Variants in ATAD2 observed in about 807,000 individuals in gnomAD.
The protein encoded by ATAD2 is ATPase family AAA domain containing 2.
A neutral mutation model predicts 168.9 loss-of-function variants in ATAD2; 62 were observed. The observed-to-expected ratio is 0.37, with a 90% CI of 0.30 to 0.45. The LOEUF is 0.45. Ranked by LOEUF, ATAD2 falls within the 20% of genes least tolerant of loss-of-function variation. The probability of loss-of-function intolerance (pLI) is 1.00; values close to 1 mark genes in which losing one functional copy is unlikely to be tolerated. For synonymous variants in ATAD2, 613 were observed against 571.6 expected, an observed-to-expected ratio of 1.07 and a Z score of -1.03; for missense variants, 1,419 against 1,667.8, an observed-to-expected ratio of 0.85 and a Z score of 2.60.
chr8:123,389,255 T>C (rs1289930197), intron 1 of ATAD2, among the ~76,000 whole-genome samples: 13 of 144,960 alleles, frequency 9.0e-5, no homozygotes, highest in Middle Eastern at 3.6e-3. Context: ...GGATTACAGG[T>C]GTGAGCCACC....
intron 24 of ATAD2, among the ~76,000 whole-genome samples, chr8:123,329,044 G>A (rs1017121425): frequency 1.1e-4 from 16 of 151,878 alleles, no homozygotes; most frequent in South Asian, 4.2e-4. Context: ...CTCGTGATCC[G>A]CCCGCCTCGG....
At chr8:123,354,115 CAG>C (rs1162126389) in intron 13 of ATAD2, among the ~76,000 whole-genome samples, 2 of 152,176 alleles carry the variant, frequency 1.3e-5, no homozygotes, top group Non-Finnish European at 2.9e-5. Flanking sequence ...GCCTGGGCGA[CAG>C]AGCAAGACTT....
chr8:123,366,500 T>C (rs773182730), intron 8 of ATAD2, among the ~76,000 whole-genome samples: 1 of 152,200 alleles, frequency 6.6e-6, no homozygotes, highest in Non-Finnish European at 1.5e-5. Flanking sequence ...TGCAAAAATG[T>C]GGAACCAACC....
chr8:123,380,671 AC>A lies in ATAD2; in HGVS notation c.177del (p.Ser60HisfsTer15). On this transcript the variant is annotated frameshift_variant, in exon 2 of 28. Coordinates refer to ENST00000287394, the MANE Select transcript of ATAD2 (RefSeq NM_014109.4). LOFTEE classifies it high-confidence loss of function. ...TAGGTTTCAACTTCCTTAACTGATGACCCATCCTTTAAGAAAAATTAAGAAA... is the reference window on the plus strand; with the variant it reads ...TAGGTTTCAACTTCCTTAACTGATGACCATCCTTTAAGAAAAATTAAGAAA... ...PAATTAKAGD[G>X]SSVKEVETYH... 2 of 1,596,828 alleles carry A rather than the reference AC, an allele frequency of 1.3e-6. No homozygotes were observed. The highest frequency in any genetic ancestry group is 1.7e-6 in the Non-Finnish European group (2 of 1,173,732).
chr8:123,335,025 G>A (rs562599669), intron 22 of ATAD2, among the ~76,000 whole-genome samples: 13 of 152,194 alleles, frequency 8.5e-5, no homozygotes, highest in Non-Finnish European at 1.0e-4. Flanking sequence ...CTGTGTCACC[G>A]GGAAACTCAT....
At chr8:123,330,652 G>A (rs532135547) in intron 24 of ATAD2, among the ~76,000 whole-genome samples, 44 of 151,972 alleles carry the variant, frequency 2.9e-4, no homozygotes, top group South Asian at 6.3e-4. Flanking sequence ...GTGAGCCACC[G>A]CGCCTGGCCC....
intron 11 of ATAD2, among the ~76,000 whole-genome samples, chr8:123,358,227 C>CTGGA (rs1344505233): frequency 6.6e-6 from 1 of 152,150 alleles, no homozygotes; most frequent in Non-Finnish European, 1.5e-5. Flanking sequence ...GTCAGCTAGG[C>CTGGA]TGGAGCGCAG....
intron 24 of ATAD2, 58 bp downstream of exon 24, chr8:123,333,820 T>C: frequency 1.3e-6 from 2 of 1,490,464 alleles, no homozygotes; most frequent in South Asian, 1.4e-5. Context: ...AGAAAGTTAA[T>C]GGCATTAGAA....
At chr8:123,372,443 C>T (rs559017674) in intron 3 of ATAD2, among the ~76,000 whole-genome samples, 194 bp downstream of exon 3, 15 of 152,086 alleles carry the variant, frequency 9.9e-5, no homozygotes, top group South Asian at 8.3e-4. Flanking sequence ...TAAAACGGCC[C>T]GGGGAAGTTT....
chr8:123,415,082 T>C (rs1813229074), intron 1 of ATAD2, among the ~76,000 whole-genome samples: 1 of 152,242 alleles, frequency 6.6e-6, no homozygotes, highest in Non-Finnish European at 1.5e-5. Context: ...CTTTTAGCAG[T>C]TCCTGTAGTG....
intron 21 of ATAD2, 82 bp from the exon 22 acceptor site, chr8:123,336,614 G>C: frequency 9.5e-7 from 1 of 1,049,408 alleles, no homozygotes; most frequent in Non-Finnish European, 1.3e-6. Flanking sequence ...AGGCAATATA[G>C]GAGATAGAGA....
chr8:123,373,840 A>G (rs1205068253), intron 2 of ATAD2, among the ~76,000 whole-genome samples: 1 of 151,852 alleles, frequency 6.6e-6, no homozygotes, highest in Non-Finnish European at 1.5e-5. Flanking sequence ...ATGTGCCATT[A>G]ATTTGTTTTT....
chr8:123,321,060 A>T lies in ATAD2; in HGVS notation c.*74T>A. On this transcript the variant is annotated 3_prime_UTR_variant, in exon 28 of 28. Transcript: ENST00000287394. ...TTAAAGATGCAGGGTTTCATACTAC[A>T]TCAATTAGGCGGACATGACAAAAAT... 1 of 1,308,366 alleles carries T rather than the reference A, an allele frequency of 7.6e-7. No individual in the cohort carries two copies. Among genetic ancestry groups the T allele is most frequent in the Non-Finnish European group, 1.1e-6 (1 of 918,928 alleles). 81.0% of individuals were successfully genotyped at this position (1,308,366 alleles called of 1,614,324 possible). A position where few individuals can be genotyped will look rare whatever the true frequency, so the allele number is the denominator to read the frequency against.
In ATAD2 at chr8:123,330,557, T is replaced by TTTCA. The variant is rs1827750601; in HGVS notation, c.3479-1982_3479-1979dup. Reference sequence around the variant, plus strand: ...TTTTGTATTTTTAGTAGTGATGGGGTTTCACCGTGTTAGCCAGGATGGTCT... The same window carrying TTTCA: ...TTTTGTATTTTTAGTAGTGATGGGGTTTCATTCACCGTGTTAGCCAGGATGGTCT... On this transcript the variant is annotated intron_variant, in intron 24 of 27. Coordinates refer to ENST00000287394, the MANE Select transcript of ATAD2 (RefSeq NM_014109.4). Among the ~76,000 whole-genome samples the TTTCA allele has an allele frequency of 2.0e-5, 3 of 152,036 alleles. No individual in the cohort carries two copies. The South Asian group carries it at 6.2e-4, about 32-fold the overall frequency.
intron 13 of ATAD2, among the ~76,000 whole-genome samples, chr8:123,351,514 T>C (rs189474468): frequency 2.8e-4 from 43 of 152,304 alleles, no homozygotes; most frequent in African/African-American, 8.9e-4. Context: ...CATAAGAGGC[T>C]GCAAAATGGT....
intron 13 of ATAD2, among the ~76,000 whole-genome samples, chr8:123,353,128 C>G (rs1828526097): frequency 6.6e-6 from 1 of 152,074 alleles, no homozygotes; most frequent in African/African-American, 2.4e-5. Context: ...CTTTGGGAGG[C>G]TGAGGCAGGT....
rs750948668 is a variant in ATAD2, at chr8:123,346,247, A to G, written c.2371T>C (p.Phe791Leu). The change falls in exon 18 of 28, where the codon TTT becomes CTT. Residue 791 changes from phenylalanine (F) to leucine (L), a missense_variant. Phe to Leu is a conservative substitution (Grantham distance 22). Transcript: ENST00000287394. ...CCTACTATCAATATTCTTGGTCGAA[A>G]AGACATAGGTTGGTAACAAGCATTT... The part of the protein sequence containing the change: ...NRNACYQPMS[F>L]RPRILIVGEP... The G allele has an allele frequency of 2.5e-6, 4 of 1,606,626 alleles. No homozygotes were observed. The highest frequency in any genetic ancestry group is 3.4e-6 in the Non-Finnish European group (4 of 1,177,898).
intron 2 of ATAD2, among the ~76,000 whole-genome samples, chr8:123,373,230 G>A (rs987275758): frequency 2.6e-5 from 4 of 151,356 alleles, no homozygotes; most frequent in Admixed American, 6.6e-5. Context: ...TGGGGCGGGG[G>A]GGGTCTCGCT....
rs775390122 is a variant in ATAD2 at position 123,346,715 on chromosome 8, A to G, written c.2248T>C (p.Tyr750His). The change falls in exon 17 of 28, where the codon TAC (tyrosine) becomes CAC (histidine). Residue 750 changes from tyrosine (Y) to histidine (H), a missense_variant. By Grantham distance (83) the Tyr-to-His change is moderately conservative. This residue lies in a region of ATAD2 where 545 missense variants were observed against 724.9 expected (regional missense o/e 0.75). Transcript: ENST00000287394. ...SCPLLESDLA[Y>H]SDDDVPSVYE... ...ACTGATGGAACATCATCATCACTGT[A>G]AGCCAAGTCACTTTCTAGCAGAGGA... 2 of 1,596,614 alleles carry G rather than the reference A, an allele frequency of 1.3e-6. No individual in the cohort carries two copies. The highest frequency in any genetic ancestry group is 1.7e-6 in the Non-Finnish European group (2 of 1,174,090).
Sources: gnomAD v4.1 joint callset for allele counts (sites outside exome capture counted in the v4.1 genomes callset) on GRCh38, gnomAD v4.1.1 for gene constraint, gnomAD v4.1.1 regional missense constraint, MANE v1.5 for transcripts, NCBI Gene and HGNC (gene_info 2026-07-23, HGNC 2026-07-21) for gene names.